DNAAF4: variants seen among roughly 807,000 people sequenced by gnomAD.
DNAAF4 encodes the protein dynein assembly factor 4, axonemal.
A neutral mutation model predicts 51.8 loss-of-function variants in DNAAF4; 43 were observed. That is an observed-to-expected ratio of 0.83 (90% CI 0.65 to 1.07). DNAAF4 has a LOEUF of 1.07. Among genes scored for constraint, DNAAF4 ranks in the 50% least tolerant of loss-of-function variants. The pLI, the probability that DNAAF4 is intolerant of heterozygous loss-of-function variation, is 0.00. For synonymous variants in DNAAF4, 194 were observed against 165.6 expected (o/e 1.17, Z -1.32); for missense variants, 581 against 493.0 (o/e 1.18, Z -1.69).
chr15:55,488,859 C>T (rs541103474), intron 4 of DNAAF4, among the ~76,000 whole-genome samples: 2 of 152,122 alleles, frequency 1.3e-5, no homozygotes, highest in African/African-American at 2.4e-5. Context: ...GAAGCCAAGA[C>T]GGGCAGATCA....
At chr15:55,456,101 T>TG (rs1426267659) in intron 5 of DNAAF4, among the ~76,000 whole-genome samples, 1 of 151,358 alleles carries the variant, frequency 6.6e-6, no homozygotes, top group Non-Finnish European at 1.5e-5. Flanking sequence ...TTTTTTGAGA[T>TG]GGAGTTTCAC....
At chr15:55,448,595 C>A (rs558793799) in intron 6 of DNAAF4, among the ~76,000 whole-genome samples, 1 of 149,104 alleles carries the variant, frequency 6.7e-6, no homozygotes, top group African/African-American at 2.5e-5. Flanking sequence ...ATGGGCCGGG[C>A]GCAGTGGCTC....
At chr15:55,434,293 T>C (rs1451603899) in intron 8 of DNAAF4, among the ~76,000 whole-genome samples, 1 of 150,614 alleles carries the variant, frequency 6.6e-6, no homozygotes, top group East Asian at 1.9e-4. Flanking sequence ...ATTGTGAGAG[T>C]CAAAGAAAAA....
At position 55,498,196 on chromosome 15, in the gene DNAAF4, T is replaced by G. The variant is rs2058666268; in HGVS notation, c.123+11A>C. On this transcript the variant is annotated intron_variant, in intron 2 of 9. Transcript: ENST00000321149. ...CCCCCGGAGACCGGCAGGCAAGACTTGCATTCTTACCTTCAGATAGTTTTC... is the reference window on the plus strand; with the variant it reads ...CCCCCGGAGACCGGCAGGCAAGACTGGCATTCTTACCTTCAGATAGTTTTC... 6.2e-7 allele frequency: 1 copy of G among 1,613,878 alleles called. No individual in the cohort carries two copies. The highest frequency in any genetic ancestry group is 1.3e-5 in the African/African-American group (1 of 74,924).
Position 55,435,032 on chromosome 15 carries a change from A to C in DNAAF4, c.920T>G (p.Leu307Trp). Residue 307 changes from leucine to tryptophan, a missense_variant, in exon 8 of 10, where the codon TTG (leucine) becomes TGG (tryptophan). Physicochemically the swap from Leu to Trp is moderately conservative, Grantham distance 61 (BLOSUM62 -2). Coordinates refer to ENST00000321149, the MANE Select transcript of DNAAF4 (RefSeq NM_130810.4). ...GNKLFATENY[L>W]AAINAYNLAI... is the part of the protein sequence containing the mutation. ...TAAATTATATGCATTGATAGCTGCC[A>C]AATAGTTTTCCGTTGCAAACAATTT... 1 of 1,599,980 alleles carries C rather than the reference A, an allele frequency of 6.3e-7. No homozygotes were observed. Among genetic ancestry groups the C allele is most frequent in the Non-Finnish European group, 8.5e-7 (1 of 1,176,248 alleles).
At chr15:55,431,393 T>C (rs2057491851) in intron 9 of DNAAF4, among the ~76,000 whole-genome samples, 2 of 147,894 alleles carry the variant, frequency 1.4e-5, no homozygotes, top group South Asian at 2.1e-4. Flanking sequence ...CACACACAAA[T>C]ACATACATAC....
intron 6 of DNAAF4, among the ~76,000 whole-genome samples, chr15:55,440,546 T>A (rs977320610): frequency 6.6e-6 from 1 of 150,910 alleles, no homozygotes; most frequent in Non-Finnish European, 1.5e-5. Context: ...ACCCAGCTAA[T>A]TTTTTGTATT....
At chr15:55,488,969 G>T (rs2058530998) in intron 4 of DNAAF4, among the ~76,000 whole-genome samples, 1 of 151,910 alleles carries the variant, frequency 6.6e-6, no homozygotes, top group Non-Finnish European at 1.5e-5. Flanking sequence ...GGCACCTGTA[G>T]TCCCACCTAT....
intron 4 of DNAAF4, among the ~76,000 whole-genome samples, chr15:55,485,151 A>T (rs2058469427): frequency 6.6e-6 from 1 of 152,236 alleles, no homozygotes; most frequent in Non-Finnish European, 1.5e-5. Context: ...ACATCAGAAC[A>T]GGAGATACCA....
intron 7 of DNAAF4, among the ~76,000 whole-genome samples, chr15:55,420,496 G>A (rs2057379665): frequency 6.6e-6 from 1 of 152,176 alleles, no homozygotes; most frequent in African/African-American, 2.4e-5. Flanking sequence ...AAATTTGTGA[G>A]TCATAAGGGG....
chr15:55,434,159 C>T (rs2057571081), intron 8 of DNAAF4, among the ~76,000 whole-genome samples: 1 of 145,990 alleles, frequency 6.8e-6, no homozygotes, highest in Admixed American at 7.4e-5. Context: ...TATTATTCAG[C>T]TTATCATTTC....
chr15:55,479,318 A>G (rs2058377241), intron 4 of DNAAF4, among the ~76,000 whole-genome samples: 1 of 151,798 alleles, frequency 6.6e-6, no homozygotes, highest in Non-Finnish European at 1.5e-5. Flanking sequence ...AAATTGGGAG[A>G]TTTCATTTTA....
rs759314263 is a variant in DNAAF4 at position 55,434,985 on chromosome 15, T to A, written c.967A>T (p.Met323Leu). Residue 323 changes from methionine to leucine, a missense_variant, in exon 8 of 10, where the codon ATG becomes TTG. Met to Leu is a conservative substitution (Grantham distance 15). Transcript: ENST00000321149. ...YNLAIRLNNKMPLLYLNRAAC... is the reference protein window; with the variant it reads ...YNLAIRLNNKLPLLYLNRAAC... ...GCCCGGTTCAAATACAATAGTGGCA[T>A]CTTATTATTTAGTCTTATGGCTAAA... is the stretch of plus-strand genomic sequence containing the variant. 5 of 1,613,292 alleles carry A rather than the reference T, an allele frequency of 3.1e-6. No homozygotes were observed. The Admixed American group carries it at 8.4e-5, about 27-fold the overall frequency.
chr15:55,468,962 G>A (rs2058208841), intron 4 of DNAAF4, among the ~76,000 whole-genome samples: 1 of 152,078 alleles, frequency 6.6e-6, no homozygotes, highest in African/African-American at 2.4e-5. Flanking sequence ...CTACAATGAA[G>A]AGAAAAACAT....
intron 7 of DNAAF4, among the ~76,000 whole-genome samples, chr15:55,423,278 T>A (rs1327137760): frequency 6.6e-6 from 1 of 151,832 alleles, no homozygotes; most frequent in Non-Finnish European, 1.5e-5. Flanking sequence ...CACAGCTCAC[T>A]GTAACCTCAA....
At chr15:55,500,039 C>CT (rs552570030) in intron 1 of DNAAF4, among the ~76,000 whole-genome samples, 50 of 151,670 alleles carry the variant, frequency 3.3e-4, no homozygotes, top group Non-Finnish European at 5.7e-4. Context: ...TGATTTTCAA[C>CT]TTTTTTTTAA....
intron 4 of DNAAF4, among the ~76,000 whole-genome samples, chr15:55,486,329 G>C (rs895816907): frequency 4.6e-5 from 7 of 151,730 alleles, no homozygotes; most frequent in Admixed American, 3.3e-4. Flanking sequence ...GAGTAGCTAA[G>C]ATTACAGGTG....
intron 8 of DNAAF4, 41 bp from the exon 9 acceptor site, chr15:55,432,643 T>G: frequency 6.5e-7 from 1 of 1,544,896 alleles, no homozygotes; most frequent in East Asian, 2.4e-5. Context: ...AGTTATAGTT[T>G]CTTAATTTAA....
At chr15:55,426,355 C>T (rs976957490), downstream of DNAAF4, among the ~76,000 whole-genome samples, 1 of 152,184 alleles carries the variant, frequency 6.6e-6, no homozygotes, top group African/African-American at 2.4e-5. Context: ...GTCTAATCCC[C>T]AGGCAGGAAG....
Sources: allele counts gnomAD v4.1 joint callset (sites outside exome capture counted in the v4.1 genomes callset), GRCh38; gene constraint gnomAD v4.1.1; transcripts MANE v1.5; gene names NCBI Gene and HGNC (gene_info 2026-07-23, HGNC 2026-07-21).